DYTN: variants seen among roughly 807,000 people sequenced by gnomAD.
DYTN encodes the protein dystrotelin.
A neutral mutation model predicts 69.6 loss-of-function variants in DYTN; 75 were observed. The observed-to-expected ratio is 1.08, with a 90% CI of 0.89 to 1.31. The LOEUF is 1.31. DYTN is among the 50% of genes most tolerant of loss of function. The pLI is 0.00. For synonymous variants in DYTN, 252 were observed against 249.1 expected, an observed-to-expected ratio of 1.01 and a Z score of -0.11; for missense variants, 726 against 688.4, an observed-to-expected ratio of 1.05 and a Z score of -0.61.
Position 206,654,509 on chromosome 2 carries a change from T to C in DYTN, c.1634-2588A>G, listed in dbSNP as rs189714430. On this transcript the variant is annotated intron_variant, in intron 11 of 11. Transcript: ENST00000452335. ...ATACAAATAACATACAAAATATTTG[T>C]CGATCAACTGTTTATTTTACTGGTA... Among the ~76,000 whole-genome samples, 4 of 152,340 alleles carry C rather than the reference T, an allele frequency of 2.6e-5. 1 individual carries two copies. Among genetic ancestry groups the C allele is most frequent in the Admixed American group, 2.6e-4 (4 of 15,300 alleles).
chr2:206,659,338 AT>A (rs759945310), intron 11 of DYTN, among the ~76,000 whole-genome samples: 1 of 150,316 alleles, frequency 6.7e-6, no homozygotes, highest in Non-Finnish European at 1.5e-5. Context: ...CGCCCGGCTA[AT>A]TTTTTTTGTA....
intron 9 of DYTN, 24 bp downstream of exon 9, chr2:206,693,151 C>G: frequency 6.3e-7 from 1 of 1,588,184 alleles, no homozygotes; most frequent in Non-Finnish European, 8.6e-7. Context: ...TCTGTGGGAT[C>G]AGCCAATCCT....
At chr2:206,694,711 A>G (rs1699901130) in intron 8 of DYTN, 55 bp downstream of exon 8, 2 of 1,427,644 alleles carry the variant, frequency 1.4e-6, no homozygotes, top group Non-Finnish European at 1.9e-6. Flanking sequence ...TTTCATGGCT[A>G]TAGCTTATAC....
intron 9 of DYTN, among the ~76,000 whole-genome samples, chr2:206,684,710 A>G (rs1443000873): frequency 6.6e-6 from 1 of 152,034 alleles, no homozygotes; most frequent in African/African-American, 2.4e-5. Context: ...CTATTTACAT[A>G]TTTTGTGTAT....
At chr2:206,712,261 G>T (rs1391701548) in intron 1 of DYTN, among the ~76,000 whole-genome samples, 1 of 152,164 alleles carries the variant, frequency 6.6e-6, no homozygotes, top group Non-Finnish European at 1.5e-5. Flanking sequence ...CAGGCCCCGG[G>T]GGTAAATCTG....
chr2:206,712,759 T>G (rs1266321579), intron 1 of DYTN, among the ~76,000 whole-genome samples: 1 of 152,154 alleles, frequency 6.6e-6, no homozygotes, highest in Admixed American at 6.5e-5. Context: ...CAACTGCAAC[T>G]CTCCCACTTC....
rs776772560 is a variant in DYTN at position 206,718,260 on chromosome 2, C to T, written c.19+1G>A. On this transcript the variant is annotated splice_donor_variant, in intron 1 of 11. Transcript: ENST00000452335. LOFTEE classifies it high-confidence loss of function. ...CTCAGAAACTTGACAATAATACTCACCTTGTTTATCTGGATCCATTTCACA... is the reference window on the plus strand; with the variant it reads ...CTCAGAAACTTGACAATAATACTCATCTTGTTTATCTGGATCCATTTCACA... 6.3e-7 allele frequency: 1 copy of T among 1,597,084 alleles called. No homozygotes were observed. Among genetic ancestry groups the T allele is most frequent in the Non-Finnish European group, 8.5e-7 (1 of 1,171,770 alleles).
Position 206,651,688 on chromosome 2 carries a change from A to T in DYTN, c.*130T>A. On this transcript the variant is annotated 3_prime_UTR_variant, in exon 12 of 12. Transcript: ENST00000452335. ...ACATAAGTAGGGAGGGAGATCAAAA[A>T]ACAAAACCTGTTTTCTTCATAGTTC... The T allele has an allele frequency of 1.2e-6, 1 of 850,594 alleles. No individual in the cohort carries two copies. The highest frequency in any genetic ancestry group is 1.8e-6 in the Non-Finnish European group (1 of 552,468). The allele number at this position is 850,594 out of a possible 1,614,324, so 52.7% of individuals were successfully genotyped here.
At chr2:206,703,910 C>T (rs921486230) in intron 5 of DYTN, among the ~76,000 whole-genome samples, 2 of 152,154 alleles carry the variant, frequency 1.3e-5, no homozygotes, top group African/African-American at 4.8e-5. Context: ...GCAAGACAAT[C>T]CAGAGCCTGT....
rs747998137 is a variant in DYTN, at chr2:206,718,220, T to C, written c.19+41A>G. ...ATATAACATCTGTGCCTAATTTTTC[T>C]GTTTACAAACTATGCTCAGAAACTT... is the stretch of plus-strand genomic sequence containing the variant. On this transcript the variant is annotated intron_variant, in intron 1 of 11. Coordinates refer to ENST00000452335, the MANE Select transcript of DYTN (RefSeq NM_001093730.1). The C allele has an allele frequency of 3.2e-6, 5 of 1,563,986 alleles. No individual in the cohort carries two copies. The Admixed American group carries it at 9.4e-5, about 29-fold the overall frequency.
intron 3 of DYTN, among the ~76,000 whole-genome samples, chr2:206,706,646 T>C (rs1039414068): frequency 6.6e-6 from 1 of 152,160 alleles, no homozygotes; most frequent in Admixed American, 6.5e-5. Context: ...TTGAATTCAC[T>C]ATGATTTTTG....
At chr2:206,664,519 G>A (rs1165178382) in intron 10 of DYTN, among the ~76,000 whole-genome samples, 3 of 152,020 alleles carry the variant, frequency 2.0e-5, no homozygotes, top group Non-Finnish European at 1.5e-5. Context: ...AAATTAGCTG[G>A]GTGTGCTGGC....
chr2:206,657,446 A>AT (rs1699462793), intron 11 of DYTN, among the ~76,000 whole-genome samples: 1 of 152,192 alleles, frequency 6.6e-6, no homozygotes, highest in African/African-American at 2.4e-5. Flanking sequence ...TCCAGCCCAC[A>AT]TTTTGTTACT....
intron 1 of DYTN, among the ~76,000 whole-genome samples, chr2:206,717,450 C>T (rs1284886042): frequency 1.3e-5 from 2 of 152,168 alleles, no homozygotes; most frequent in Non-Finnish European, 2.9e-5. Context: ...CACGGAATCA[C>T]AAACTTTGCA....
Position 206,718,374 on chromosome 2 carries a change from AGG to A in DYTN, c.-97_-96del. 7.3e-7 allele frequency: 1 copy of A among 1,366,582 alleles called. No individual in the cohort carries two copies. Among genetic ancestry groups the A allele is most frequent in the Non-Finnish European group, 1.0e-6 (1 of 1,000,256 alleles). The allele number at this position is 1,366,582 out of a possible 1,614,324, so 84.7% of individuals were successfully genotyped here. On this transcript the variant is annotated 5_prime_UTR_variant, in exon 1 of 12. Coordinates refer to ENST00000452335, the MANE Select transcript of DYTN (RefSeq NM_001093730.1). ...CAGAAGGTTTTGCAGCAGAGGAATGAGGACAGGGGAACAAAAAGGCAACTAAA... is the reference window on the plus strand; with the variant it reads ...CAGAAGGTTTTGCAGCAGAGGAATGAACAGGGGAACAAAAAGGCAACTAAA...
chr2:206,652,070 A>C, intron 11 of DYTN, 149 bp from the exon 12 acceptor site: 2 of 654,280 alleles, frequency 3.1e-6, no homozygotes, highest in Non-Finnish European at 5.1e-6. Context: ...AGCAAATAAG[A>C]TGGCTATTAT....
At chr2:206,697,929 G>C (rs1699938521) in intron 7 of DYTN, among the ~76,000 whole-genome samples, 1 of 152,150 alleles carries the variant, frequency 6.6e-6, no homozygotes, top group Admixed American at 6.5e-5. Context: ...CTATAGAATA[G>C]AAATAGTATC....
chr2:206,663,377 C>T lies in DYTN; in HGVS notation c.1159G>A (p.Gly387Ser), dbSNP rs754984789. The change falls in exon 11 of 12, where the codon GGT becomes AGT. Residue 387 changes from glycine (G) to serine (S), a missense_variant. Transcript: ENST00000452335. ...TTTTGAAAGGAAGAAGATGAAGGACCGGGTGGCTGCAACCTTGCCTGGGGA... is the reference window on the plus strand; with the variant it reads ...TTTTGAAAGGAAGAAGATGAAGGACTGGGTGGCTGCAACCTTGCCTGGGGA... Reference protein sequence around the residue: ...RDLQARLQPPGPSSSSFQNVG... With the variant: ...RDLQARLQPPSPSSSSFQNVG... The T allele has an allele frequency of 1.8e-5, 28 of 1,597,498 alleles. No individual in the cohort carries two copies. The highest frequency in any genetic ancestry group is 9.4e-5 in the African/African-American group (7 of 74,164).
chr2:206,708,365 C>G (rs1220308775), intron 2 of DYTN, among the ~76,000 whole-genome samples: 1 of 152,210 alleles, frequency 6.6e-6, no homozygotes, highest in East Asian at 1.9e-4. Context: ...ATTTAAAACG[C>G]TTCAGCCTGT....
Sources: gnomAD v4.1 joint callset for allele counts (sites outside exome capture counted in the v4.1 genomes callset) on GRCh38, gnomAD v4.1.1 for gene constraint, MANE v1.5 for transcripts, NCBI Gene and HGNC (gene_info 2026-07-23, HGNC 2026-07-21) for gene names.